Variants in CMPK2 observed in about 807,000 individuals in gnomAD.
CMPK2 encodes the protein UMP-CMP kinase 2, mitochondrial.
CMPK2 carries 32 observed loss-of-function variants against 33.4 expected under a neutral mutation model. That is an observed-to-expected ratio of 0.96 (90% CI 0.72 to 1.29). The LOEUF (loss-of-function observed/expected upper bound fraction) is 1.29. CMPK2 is among the 50% of genes most tolerant of loss of function. The probability of loss-of-function intolerance (pLI) is 0.00; values close to 1 mark genes in which losing one functional copy is unlikely to be tolerated. For synonymous variants in CMPK2, 299 were observed against 275.3 expected (o/e 1.09, Z -0.85); for missense variants, 672 against 616.0 (o/e 1.09, Z -0.96).
intron 3 of CMPK2, among the ~76,000 whole-genome samples, chr2:6,857,690 A>G (rs1221366480): frequency 1.4e-5 from 2 of 144,304 alleles, no homozygotes; most frequent in African/African-American, 5.2e-5. Context: ...GCTGGAGTGC[A>G]GTGGCATGAT....
intron 3 of CMPK2, among the ~76,000 whole-genome samples, chr2:6,855,335 GC>G (rs1333877306): frequency 6.6e-6 from 1 of 150,488 alleles, no homozygotes; most frequent in Admixed American, 6.6e-5. Context: ...CCCTGCCCCT[GC>G]CCCTGCCTCT....
In CMPK2 at chr2:6,861,195, C is replaced by A; in HGVS notation, c.981G>T (p.Val327=). 3.7e-6 allele frequency: 6 copies of A among 1,613,620 alleles called. No individual in the cohort carries two copies. Among genetic ancestry groups the A allele is most frequent in the Non-Finnish European group, 5.1e-6 (6 of 1,179,608 alleles). The change falls in exon 3 of 5, where the codon GTG becomes GTT. Residue 327 remains valine, a synonymous_variant. Coordinates refer to ENST00000256722, the MANE Select transcript of CMPK2 (RefSeq NM_207315.4). The part of the protein sequence containing the change: ...EIAKESAKSP[V]IVDRYWHSTA... ...ATCTTTATACCTACCTGTCTACAAT[C>A]ACAGGAGATTTGGCAGATTCTTTAG...
In CMPK2 at chr2:6,848,621, G is replaced by T; in HGVS notation, c.*1229C>A. On this transcript the variant is annotated 3_prime_UTR_variant, in exon 5 of 5. Transcript: ENST00000256722. Reference sequence around the variant, plus strand: ...AATTTAAGATTCTATATGCAGACCTGATAAAGCCTTAAATTTAATTATTTT... The same window carrying T: ...AATTTAAGATTCTATATGCAGACCTTATAAAGCCTTAAATTTAATTATTTT... The T allele has an allele frequency of 1.0e-6, 1 of 966,124 alleles. No individual in the cohort carries two copies. The highest frequency in any genetic ancestry group is 4.8e-5 in the South Asian group (1 of 20,864). 59.8% of individuals were successfully genotyped at this position (966,124 alleles called of 1,614,324 possible). A position where few individuals can be genotyped will look rare whatever the true frequency, so the allele number is the denominator to read the frequency against.
intron 3 of CMPK2, among the ~76,000 whole-genome samples, chr2:6,852,770 G>T (rs989510261): frequency 6.6e-6 from 1 of 152,138 alleles, no homozygotes; most frequent in African/African-American, 2.4e-5. Context: ...TCATTTATCA[G>T]CATAGTTTAT....
upstream of CMPK2, chr2:6,866,025 C>T (rs577549526): frequency 1.3e-5 from 6 of 461,938 alleles, no homozygotes; most frequent in South Asian, 1.2e-4. Flanking sequence ...CCGAATGAGG[C>T]CCCGCGCCGT....
At chr2:6,842,544 C>T (rs1333823196) in intron 3 of CMPK2, among the ~76,000 whole-genome samples, 1 of 152,190 alleles carries the variant, frequency 6.6e-6, no homozygotes, top group Non-Finnish European at 1.5e-5. Context: ...TGGGCTGGGC[C>T]TCAGGCCTGA....
At position 6,865,278 on chromosome 2, in the gene CMPK2, G is replaced by A. The variant is rs1173744108; in HGVS notation, c.419C>T (p.Pro140Leu). ...CTCGAGCAGCGCTTGCCGGGTGTCAGGGTCATCCAGGGGGTCGCGCAGCAG... is the reference window on the plus strand; with the variant it reads ...CTCGAGCAGCGCTTGCCGGGTGTCAAGGTCATCCAGGGGGTCGCGCAGCAG... ...GFLLRDPLDD[P>L]DTRQALLELL... Residue 140 changes from proline to leucine, a missense_variant, in exon 1 of 5, where the codon CCT (proline) becomes CTT (leucine). Coordinates refer to ENST00000256722, the MANE Select transcript of CMPK2 (RefSeq NM_207315.4). 1 of 1,533,512 alleles carries A rather than the reference G, an allele frequency of 6.5e-7. No homozygotes were observed. Among genetic ancestry groups the A allele is most frequent in the Admixed American group, 1.9e-5 (1 of 52,470 alleles). 95.0% of individuals were successfully genotyped at this position (1,533,512 alleles called of 1,614,324 possible).
intron 1 of CMPK2, among the ~76,000 whole-genome samples, chr2:6,864,798 C>T (rs1055063909): frequency 1.2e-4 from 18 of 152,206 alleles, no homozygotes; most frequent in African/African-American, 3.9e-4. Flanking sequence ...CATCGCGTGG[C>T]TTGGTGTAGG....
chr2:6,861,694 CAGA>C (rs1662887631), intron 2 of CMPK2, among the ~76,000 whole-genome samples: 1 of 152,210 alleles, frequency 6.6e-6, no homozygotes, highest in Admixed American at 6.5e-5. Flanking sequence ...GTCCCCCACC[CAGA>C]AGACTTTCTC....
At chr2:6,862,461 A>T (rs1662911002) in intron 2 of CMPK2, among the ~76,000 whole-genome samples, 1 of 152,194 alleles carries the variant, frequency 6.6e-6, no homozygotes, top group Non-Finnish European at 1.5e-5. Flanking sequence ...TAACATTTGT[A>T]TGTGTGGATG....
chr2:6,848,245 A>C (rs1331568410), downstream of CMPK2: 1 of 664,360 alleles, frequency 1.5e-6, no homozygotes, highest in Non-Finnish European at 1.9e-6. Flanking sequence ...CCTCCTTTAC[A>C]TCACAATATT....
intron 3 of CMPK2, among the ~76,000 whole-genome samples, chr2:6,858,016 C>T (rs922268353): frequency 2.0e-5 from 3 of 152,192 alleles, no homozygotes; most frequent in Non-Finnish European, 4.4e-5. Context: ...CTATGAATGG[C>T]CTACAAGCCC....
chr2:6,842,909 G>A (rs765160717), intron 3 of CMPK2, among the ~76,000 whole-genome samples: 11 of 152,128 alleles, frequency 7.2e-5, no homozygotes, highest in East Asian at 1.9e-4. Flanking sequence ...GTACCTTACC[G>A]AAGTTTGACA....
intron 3 of CMPK2, among the ~76,000 whole-genome samples, chr2:6,856,862 G>T (rs1410854399): frequency 6.6e-6 from 1 of 152,158 alleles, no homozygotes; most frequent in Non-Finnish European, 1.5e-5. Flanking sequence ...GCTGCTGTAT[G>T]GTTTTCCACC....
chr2:6,866,537 T>C, upstream of CMPK2: 7 of 951,602 alleles, frequency 7.4e-6, no homozygotes, highest in Non-Finnish European at 7.5e-6. Context: ...TTCCACCAAA[T>C]TGAAGTTTCC....
intron 3 of CMPK2, among the ~76,000 whole-genome samples, chr2:6,854,610 T>A (rs1662628576): frequency 6.6e-6 from 1 of 152,156 alleles, no homozygotes; most frequent in East Asian, 1.9e-4. Flanking sequence ...GGCTGCTTGT[T>A]TTAAATAATT....
rs756444366 is a variant in CMPK2 at position 6,849,860 on chromosome 2, C to T, written c.1340G>A (p.Ser447Asn). 8.1e-6 allele frequency: 13 copies of T among 1,613,818 alleles called. No individual in the cohort carries two copies. The African/African-American group carries it at 1.3e-4, about 17-fold the overall frequency. Residue 447 changes from serine (S) to asparagine (N), a missense_variant, in exon 5 of 5, where the codon AGT becomes AAT. Physicochemically the swap from Ser to Asn is conservative, Grantham distance 46. Coordinates refer to ENST00000256722, the MANE Select transcript of CMPK2 (RefSeq NM_207315.4). The part of the protein sequence containing the change: ...TVLSLIQNSF[S>N]EP ...ACCTGGCCAGAGTAACTACGGTTCA[C>T]TAAAACTATTCTGGATTAGGCTTAA... is the stretch of plus-strand genomic sequence containing the variant.
intron 1 of CMPK2, among the ~76,000 whole-genome samples, chr2:6,863,903 G>A (rs1443012456): frequency 6.6e-6 from 1 of 152,218 alleles, no homozygotes; most frequent in African/African-American, 2.4e-5. Flanking sequence ...CTACAGGCCC[G>A]CTGGGAACAC....
Position 6,851,557 on chromosome 2 carries a change from C to T in CMPK2, c.1119G>A (p.Leu373=). 1 of 1,614,198 alleles carries T rather than the reference C, an allele frequency of 6.2e-7. No homozygotes were observed. ...PEDLLKPDLI[L]LLTVSPEERL... is the part of the protein sequence containing the mutation. ...TCTCCTCAGGACTCACAGTGAGCAG[C>T]AGGATAAGGTCAGGTTTGAGCAGGT... The change falls in exon 4 of 5, where the codon CTG becomes CTA. Residue 373 remains leucine, a synonymous_variant. Coordinates refer to ENST00000256722, the MANE Select transcript of CMPK2 (RefSeq NM_207315.4).
Sources: gnomAD v4.1 joint callset for allele counts (sites outside exome capture counted in the v4.1 genomes callset) on GRCh38, gnomAD v4.1.1 for gene constraint, MANE v1.5 for transcripts, NCBI Gene and HGNC (gene_info 2026-07-23, HGNC 2026-07-21) for gene names.